The following STEAP1B variants were observed in gnomAD, a reference collection of about 807,000 sequenced individuals.
STEAP1B encodes the protein STEAP family member 1B.
A neutral mutation model predicts 27.9 loss-of-function variants in STEAP1B; 13 were observed. The observed-to-expected ratio is 0.47, with a 90% CI of 0.30 to 0.74. The LOEUF (loss-of-function observed/expected upper bound fraction) is 0.74. Among genes scored for constraint, STEAP1B ranks in the 30% least tolerant of loss-of-function variants. The pLI, the probability that STEAP1B is intolerant of heterozygous loss-of-function variation, is 0.06. For missense variants in STEAP1B, 250 were observed against 298.7 expected (o/e 0.84, Z 1.20); for synonymous variants, 86 against 107.1 (o/e 0.80, Z 1.22).
At chr7:22,446,187 G>A (rs1031610597) in intron 4 of STEAP1B, among the ~76,000 whole-genome samples, 2 of 152,230 alleles carry the variant, frequency 1.3e-5, no homozygotes, top group African/African-American at 4.8e-5. Flanking sequence ...TCATGCTTCT[G>A]CAAGTGAAAG....
chr7:22,456,972 A>ATATATTTTTTTTTTTTTTTTTTTTT, intron 4 of STEAP1B, among the ~76,000 whole-genome samples: 1 of 57,078 alleles, frequency 1.8e-5, no homozygotes, highest in African/African-American at 7.0e-5. Context: ...ATATATATAT[A>ATATATTTTTTTTTTTTTTTTTTTTT]TTTTTTTTTT....
At chr7:22,460,262 A>T (rs756835843) in intron 4 of STEAP1B, among the ~76,000 whole-genome samples, 1 of 150,906 alleles carries the variant, frequency 6.6e-6, no homozygotes, top group Non-Finnish European at 1.5e-5. Flanking sequence ...TGGGAGGTCA[A>T]GGCTGCAGTG....
At chr7:22,437,130 T>C (rs923198176) in intron 4 of STEAP1B, among the ~76,000 whole-genome samples, 3 of 152,226 alleles carry the variant, frequency 2.0e-5, no homozygotes, top group African/African-American at 4.8e-5. Flanking sequence ...CCAGTATCTA[T>C]AAGGAACTTA....
intron 4 of STEAP1B, among the ~76,000 whole-genome samples, chr7:22,476,240 A>G (rs1179280798): frequency 6.6e-6 from 1 of 152,158 alleles, no homozygotes; most frequent in East Asian, 1.9e-4. Flanking sequence ...AGCAACACCG[A>G]TGTTGTACCA....
At chr7:22,425,378 G>C (rs1328884055) in intron 4 of STEAP1B, among the ~76,000 whole-genome samples, 1 of 152,148 alleles carries the variant, frequency 6.6e-6, no homozygotes, top group African/African-American at 2.4e-5. Context: ...TATATTTGTT[G>C]CATTTGATCA....
intron 4 of STEAP1B, among the ~76,000 whole-genome samples, chr7:22,430,173 G>C (rs1225751382): frequency 6.6e-6 from 1 of 152,210 alleles, no homozygotes; most frequent in East Asian, 1.9e-4. Context: ...TAAAAATACA[G>C]TGGGTTGACC....
At chr7:22,466,506 C>G (rs1021272793) in intron 4 of STEAP1B, among the ~76,000 whole-genome samples, 4 of 152,046 alleles carry the variant, frequency 2.6e-5, no homozygotes, top group African/African-American at 4.8e-5. Context: ...AAGCCTGGAA[C>G]AGATTCTTCT....
In STEAP1B at chr7:22,496,409, G is replaced by A. The variant is rs187855296; in HGVS notation, c.-31-1523C>T. On this transcript the variant is annotated intron_variant, in intron 1 of 4. Transcript: ENST00000678116. ...ATGTAGGGTAGCCTTAGTGTACAGC[G>A]TTTATAAAGTCTATAGTAGTGTACA... Among the ~76,000 whole-genome samples, 913 of 152,106 alleles carry A rather than the reference G, an allele frequency of 6.0e-3. 6 individuals carry two copies. Among genetic ancestry groups the A allele is most frequent in the Non-Finnish European group, 7.5e-3 (508 of 67,978 alleles).
chr7:22,435,010 G>A (rs1411706502), intron 4 of STEAP1B, among the ~76,000 whole-genome samples: 1 of 152,142 alleles, frequency 6.6e-6, no homozygotes, highest in East Asian at 1.9e-4. Flanking sequence ...TGTGACTAGT[G>A]TGACCGAGGA....
intron 4 of STEAP1B, among the ~76,000 whole-genome samples, chr7:22,443,096 T>C (rs969481196): frequency 6.6e-6 from 1 of 152,194 alleles, no homozygotes. Flanking sequence ...CAGATCTGCA[T>C]AGTGATCTTC....
At chr7:22,442,902 T>A (rs1372839424) in intron 4 of STEAP1B, among the ~76,000 whole-genome samples, 2 of 152,090 alleles carry the variant, frequency 1.3e-5, no homozygotes, top group Non-Finnish European at 2.9e-5. Flanking sequence ...AGACATCACT[T>A]GGAGAAGAAA....
At chr7:22,441,230 A>G (rs1785329033) in intron 4 of STEAP1B, among the ~76,000 whole-genome samples, 1 of 152,092 alleles carries the variant, frequency 6.6e-6, no homozygotes, top group Non-Finnish European at 1.5e-5. Flanking sequence ...CCCAGGTTGG[A>G]TAAATTCTAG....
intron 4 of STEAP1B, among the ~76,000 whole-genome samples, chr7:22,467,872 C>G (rs1388899144): frequency 6.6e-6 from 1 of 152,174 alleles, no homozygotes; most frequent in African/African-American, 2.4e-5. Flanking sequence ...ACCCAAGAAC[C>G]TTTGAATTCC....
chr7:22,422,479 T>G (rs1183386469), intron 4 of STEAP1B, among the ~76,000 whole-genome samples: 1 of 150,902 alleles, frequency 6.6e-6, no homozygotes, highest in African/African-American at 2.4e-5. Context: ...GAAAATAAAC[T>G]TGCTTATTTG....
chr7:22,493,465 A>G lies in STEAP1B; in HGVS notation c.456T>C (p.His152=), dbSNP rs1442777773. The G allele has an allele frequency of 2.5e-6, 4 of 1,613,590 alleles. No individual in the cohort carries two copies. Among genetic ancestry groups the G allele is most frequent in the East Asian group, 2.2e-5 (1 of 44,888 alleles). The change falls in exon 3 of 5, where the codon CAT becomes CAC. Residue 152 remains histidine, a synonymous_variant. Transcript: ENST00000678116. ...TTGTTAACATCCACTTATCCAACCA[A>G]TGTGGAAACTTCTTATACTTGGTTC... ...HNGTKYKKFP[H]WLDKWMLTRK... is the part of the protein sequence containing the mutation.
chr7:22,493,903 A>G, intron 2 of STEAP1B, 67 bp from the exon 3 acceptor site: 2 of 1,485,250 alleles, frequency 1.3e-6, no homozygotes, highest in South Asian at 2.7e-5. Context: ...TGAACTAATT[A>G]CTTATTGCTC....
At chr7:22,458,468 T>A (rs573158882) in intron 4 of STEAP1B, among the ~76,000 whole-genome samples, 17 of 152,296 alleles carry the variant, frequency 1.1e-4, no homozygotes, top group Non-Finnish European at 2.5e-4. Flanking sequence ...ACACATTTTT[T>A]CCCATTTCTG....
chr7:22,436,170 C>T (rs1461001765), intron 4 of STEAP1B, among the ~76,000 whole-genome samples: 1 of 151,644 alleles, frequency 6.6e-6, no homozygotes, highest in South Asian at 2.1e-4. Context: ...AAGGCTTATA[C>T]AGAGAAATCA....
At chr7:22,461,798 G>T (rs973083347) in intron 4 of STEAP1B, among the ~76,000 whole-genome samples, 1 of 152,210 alleles carries the variant, frequency 6.6e-6, no homozygotes, top group Admixed American at 6.5e-5. Flanking sequence ...TCAGAACCCA[G>T]GTGTTAAACC....
Sources: allele counts gnomAD v4.1 joint callset (sites outside exome capture counted in the v4.1 genomes callset), GRCh38; gene constraint gnomAD v4.1.1; transcripts MANE v1.5; gene names NCBI Gene and HGNC (gene_info 2026-07-23, HGNC 2026-07-21).